Variants in GALNT17 observed in about 807,000 individuals in gnomAD.
The protein encoded by GALNT17 is polypeptide N-acetylgalactosaminyltransferase 17, also known as UDP-GalNAc:polypeptide N-acetylgalactosaminyltransferase-like 3.
GALNT17 carries 29 observed loss-of-function variants against 63.7 expected under a neutral mutation model. That is an observed-to-expected ratio of 0.46 (90% confidence interval 0.34 to 0.62). GALNT17 has a LOEUF of 0.62. GALNT17 is among the 20% of genes least tolerant of loss of function. GALNT17 has a pLI of 0.01. For synonymous variants in GALNT17, 305 were observed against 318.3 expected (o/e 0.96, Z 0.45); for missense variants, 603 against 799.6 (o/e 0.75, Z 2.97).
At chr7:71,175,773 C>T (rs1788626581) in intron 1 of GALNT17, among the ~76,000 whole-genome samples, 1 of 152,040 alleles carries the variant, frequency 6.6e-6, no homozygotes, top group Non-Finnish European at 1.5e-5. Context: ...TGGTGGTGCA[C>T]GCCTGTAGTC....
chr7:71,196,959 T>G (rs1789061581), intron 1 of GALNT17, among the ~76,000 whole-genome samples: 1 of 141,224 alleles, frequency 7.1e-6, no homozygotes. Flanking sequence ...CCGCCAATTT[T>G]TTTTTAAAAA....
intron 3 of GALNT17, among the ~76,000 whole-genome samples, chr7:71,395,081 A>G (rs779141156): frequency 4.6e-5 from 7 of 152,110 alleles, no homozygotes; most frequent in Admixed American, 6.6e-5. Flanking sequence ...CAGCCTGGGC[A>G]TCACAGCAAG....
intron 1 of GALNT17, among the ~76,000 whole-genome samples, chr7:71,289,906 G>A (rs1335985511): frequency 2.7e-5 from 4 of 150,778 alleles, no homozygotes; most frequent in Admixed American, 2.0e-4. Flanking sequence ...AAAGCCAGAT[G>A]TGGTGGCACG....
intron 5 of GALNT17, among the ~76,000 whole-genome samples, chr7:71,493,738 T>G (rs1788048833): frequency 6.6e-6 from 1 of 152,204 alleles, no homozygotes; most frequent in Non-Finnish European, 1.5e-5. Flanking sequence ...AGCCAGACCC[T>G]ATCAGTGCCT....
intron 9 of GALNT17, among the ~76,000 whole-genome samples, chr7:71,684,165 G>A (rs942190169): frequency 7.2e-5 from 11 of 152,048 alleles, no homozygotes; most frequent in Non-Finnish European, 1.3e-4. Flanking sequence ...CCCAGGGTGG[G>A]TCCCCAAGCT....
At chr7:71,242,963 TTC>T (rs1320343093) in intron 1 of GALNT17, among the ~76,000 whole-genome samples, 2 of 152,222 alleles carry the variant, frequency 1.3e-5, no homozygotes, top group Non-Finnish European at 2.9e-5. Context: ...GGGAAGAATA[TTC>T]TAGATAACCT....
intron 8 of GALNT17, 22 bp from the exon 9 acceptor site, chr7:71,677,189 C>T (rs375050317): frequency 1.5e-5 from 24 of 1,612,440 alleles, no homozygotes; most frequent in African/African-American, 4.0e-5. Context: ...TCTCATGGGT[C>T]GTGTTTTGTC....
chr7:71,661,554 A>T (rs1790907727), intron 6 of GALNT17, among the ~76,000 whole-genome samples: 1 of 152,164 alleles, frequency 6.6e-6, no homozygotes, highest in African/African-American at 2.4e-5. Flanking sequence ...ATCCAGTCTG[A>T]GTCACTGGAG....
intron 5 of GALNT17, among the ~76,000 whole-genome samples, chr7:71,538,636 T>C (rs1788838716): frequency 1.3e-5 from 2 of 152,148 alleles, no homozygotes; most frequent in Admixed American, 1.3e-4. Context: ...CTCCCTTTTT[T>C]TGGTAATGTG....
intron 1 of GALNT17, among the ~76,000 whole-genome samples, chr7:71,159,652 G>A (rs538785520): frequency 2.7e-5 from 4 of 148,252 alleles, no homozygotes; most frequent in Non-Finnish European, 5.9e-5. Context: ...GAAACGGGCA[G>A]ACCTACTAGA....
chr7:71,333,295 T>C (rs530712739), intron 1 of GALNT17, among the ~76,000 whole-genome samples: 18 of 152,340 alleles, frequency 1.2e-4, no homozygotes, highest in African/African-American at 4.3e-4. Context: ...TCATAACATT[T>C]TCAAAGTTCA....
intron 5 of GALNT17, among the ~76,000 whole-genome samples, chr7:71,527,578 T>TAAC (rs1194087830): frequency 6.6e-6 from 1 of 152,222 alleles, no homozygotes; most frequent in Non-Finnish European, 1.5e-5. Flanking sequence ...TGTAAACTTT[T>TAAC]AACTGTCTTT....
intron 1 of GALNT17, among the ~76,000 whole-genome samples, chr7:71,196,110 T>C (rs1789043869): frequency 6.6e-6 from 1 of 152,018 alleles, no homozygotes; most frequent in Non-Finnish European, 1.5e-5. Context: ...TTCCCTCTCT[T>C]GCTGCTTTTT....
At chr7:71,391,545 C>T (rs1462300247) in intron 3 of GALNT17, among the ~76,000 whole-genome samples, 2 of 152,078 alleles carry the variant, frequency 1.3e-5, no homozygotes, top group African/African-American at 2.4e-5. Context: ...TGCGGTGGTG[C>T]GATCACAGCT....
chr7:71,633,122 AAAAG>A (rs1435885779), intron 6 of GALNT17, among the ~76,000 whole-genome samples: 1 of 151,664 alleles, frequency 6.6e-6, no homozygotes, highest in East Asian at 1.9e-4. Context: ...AAAAAAAAAA[AAAAG>A]AAGGTTGATT....
At chr7:71,383,979 A>G (rs1309962993) in intron 2 of GALNT17, among the ~76,000 whole-genome samples, 1 of 152,032 alleles carries the variant, frequency 6.6e-6, no homozygotes. Context: ...CCGGAAGTGG[A>G]ATTGCTACTC....
At chr7:71,680,878 CCT>C (rs1491518680) in intron 9 of GALNT17, among the ~76,000 whole-genome samples, 2 of 91,526 alleles carry the variant, frequency 2.2e-5, no homozygotes, top group Non-Finnish European at 5.8e-5. Flanking sequence ...TTCCTTCCTT[CCT>C]TTTCTTCCTT....
At chr7:71,265,118 A>ATTTTTTTTTTTT (rs60738546) in intron 1 of GALNT17, among the ~76,000 whole-genome samples, 1 of 37,456 alleles carries the variant, frequency 2.7e-5, no homozygotes. Flanking sequence ...ATATATATAT[A>ATTTTTTTTTTTT]TTTTTTTTTT....
intron 1 of GALNT17, among the ~76,000 whole-genome samples, chr7:71,251,263 A>G (rs1790193053): frequency 6.6e-6 from 1 of 151,454 alleles, no homozygotes; most frequent in African/African-American, 2.4e-5. Context: ...GATTGTGTCT[A>G]GTAGGGTGTT....
Sources: gnomAD v4.1 joint callset for allele counts (sites outside exome capture counted in the v4.1 genomes callset) on GRCh38, gnomAD v4.1.1 for gene constraint, MANE v1.5 for transcripts, NCBI Gene and HGNC (gene_info 2026-07-23, HGNC 2026-07-21) for gene names.